The following HMGCS1 variants were observed in gnomAD, a reference collection of about 807,000 sequenced individuals.
The protein encoded by HMGCS1 is 3-hydroxy-3-methylglutaryl-CoA synthase 1.
Under a neutral mutation model 52.3 loss-of-function variants are expected in HMGCS1, and 9 were observed. The ratio of observed to expected loss-of-function variants is 0.17; its 90% CI spans 0.10 to 0.30. The LOEUF (loss-of-function observed/expected upper bound fraction) is 0.30. HMGCS1 is among the 10% of genes least tolerant of loss of function. HMGCS1 has a pLI of 1.00. For missense variants in HMGCS1, 320 were observed against 620.9 expected (o/e 0.52, Z 5.15); for synonymous variants, 176 against 214.4 (o/e 0.82, Z 1.57).
chr5:43,295,638 T>C, intron 6 of HMGCS1, 114 bp downstream of exon 6: 1 of 738,394 alleles, frequency 1.4e-6, no homozygotes. Flanking sequence ...TTAGACTGGA[T>C]GACTTCTAAG....
intron 1 of HMGCS1, chr5:43,313,065 T>A (rs914623259): frequency 6.6e-6 from 1 of 152,646 alleles, no homozygotes; most frequent in African/African-American, 2.4e-5. Flanking sequence ...CCAACTCCTC[T>A]GTCGTTAGAA....
chr5:43,302,296 C>T (rs1007105347), intron 2 of HMGCS1, among the ~76,000 whole-genome samples: 8 of 152,212 alleles, frequency 5.3e-5, no homozygotes, highest in African/African-American at 1.9e-4. Flanking sequence ...TACTTACCTA[C>T]ATAACCCTCC....
intron 1 of HMGCS1, among the ~76,000 whole-genome samples, chr5:43,311,268 C>T (rs1024207163): frequency 6.7e-6 from 1 of 148,736 alleles, no homozygotes; most frequent in Non-Finnish European, 1.5e-5. Context: ...TGCAGTGAGC[C>T]GAGATCACGC....
In HMGCS1 at chr5:43,297,194, A is replaced by G. The variant is rs751158294; in HGVS notation, c.575-28T>C. The G allele has an allele frequency of 3.2e-6, 5 of 1,585,662 alleles. No individual in the cohort carries two copies. The East Asian group carries it at 6.7e-5, about 21-fold the overall frequency. Reference sequence around the variant, plus strand: ...ATTAGAACCAAAAAGGAAGATGTCTATATATTTCTGCTTCTTGATGTCTGT... The same window carrying G: ...ATTAGAACCAAAAAGGAAGATGTCTGTATATTTCTGCTTCTTGATGTCTGT... On this transcript the variant is annotated intron_variant, in intron 4 of 10. Coordinates refer to ENST00000325110, the MANE Select transcript of HMGCS1 (RefSeq NM_001098272.3).
At chr5:43,308,397 T>G (rs1182792032) in intron 1 of HMGCS1, among the ~76,000 whole-genome samples, 1 of 152,228 alleles carries the variant, frequency 6.6e-6, no homozygotes, top group Admixed American at 6.5e-5. Context: ...ACCAATACAC[T>G]GACTATTACC....
rs1753664793 is a variant in HMGCS1, at chr5:43,289,928, A to T, written c.*1203T>A. 6.6e-6 allele frequency: 1 copy of T among 152,602 alleles called. No homozygotes were observed. The highest frequency in any genetic ancestry group is 2.4e-5 in the African/African-American group (1 of 41,438). 9.5% of individuals were successfully genotyped at this position (152,602 alleles called of 1,614,324 possible). Reference sequence around the variant, plus strand: ...CATGTCATAGTTCAGCACCAAAAAGATCTACACAAAACTGTTTAACCAATC... The same window carrying T: ...CATGTCATAGTTCAGCACCAAAAAGTTCTACACAAAACTGTTTAACCAATC... On this transcript the variant is annotated 3_prime_UTR_variant, in exon 11 of 11. Coordinates refer to ENST00000325110, the MANE Select transcript of HMGCS1 (RefSeq NM_001098272.3).
intron 2 of HMGCS1, among the ~76,000 whole-genome samples, chr5:43,304,954 G>T (rs1754491565): frequency 6.6e-6 from 1 of 151,860 alleles, no homozygotes; most frequent in African/African-American, 2.4e-5. Flanking sequence ...ATGACATTTA[G>T]AAGAACAGAA....
At chr5:43,292,344 A>T (rs1213640234) in intron 10 of HMGCS1, 130 bp downstream of exon 10, 2 of 679,156 alleles carry the variant, frequency 2.9e-6, no homozygotes, top group Non-Finnish European at 4.9e-6. Flanking sequence ...ACTTTATACA[A>T]TTGGAAATAG....
intron 6 of HMGCS1, 145 bp from the exon 7 acceptor site, chr5:43,295,006 C>T: frequency 1.9e-6 from 1 of 516,208 alleles, no homozygotes. Flanking sequence ...AATCTAATTG[C>T]TATAGAAATC....
intron 2 of HMGCS1, among the ~76,000 whole-genome samples, chr5:43,306,078 A>G (rs2111725081): frequency 6.6e-6 from 1 of 152,328 alleles, no homozygotes; most frequent in Non-Finnish European, 1.5e-5. Flanking sequence ...AAGTCTTCCA[A>G]CAAAGTAGTA....
rs573936595 is a variant in HMGCS1 at position 43,311,542 on chromosome 5, C to A, written c.-70+1814G>T. Among the ~76,000 whole-genome samples the A allele has an allele frequency of 2.0e-5, 3 of 152,266 alleles. No homozygotes were observed. In the South Asian group the frequency reaches 6.2e-4, roughly 32 times the overall value. ...TATGTAGCAAAACAAACTTCTCCAGCTACATCTCATATCCAATTCCACTGG... is the reference window on the plus strand; with the variant it reads ...TATGTAGCAAAACAAACTTCTCCAGATACATCTCATATCCAATTCCACTGG... On this transcript the variant is annotated intron_variant, in intron 1 of 10. Transcript: ENST00000325110.
chr5:43,294,881 G>A lies in HMGCS1; in HGVS notation c.906-20C>T. 1 of 1,530,990 alleles carries A rather than the reference G, an allele frequency of 6.5e-7. No homozygotes were observed. The highest frequency in any genetic ancestry group is 1.2e-5 in the South Asian group (1 of 86,610). 94.8% of individuals were successfully genotyped at this position (1,530,990 alleles called of 1,614,324 possible). A position where few individuals can be genotyped will look rare whatever the true frequency, so the allele number is the denominator to read the frequency against. On this transcript the variant is annotated intron_variant, in intron 6 of 10. Transcript: ENST00000325110. ...ACATCCCTGAAAGATTTATTTTACA[G>A]TTTTACAGTGTTTAAAGCCTATGTT...
rs1445114613 is a variant in HMGCS1, at chr5:43,290,806, A to G, written c.*325T>C. ...ATTAGTACCTCTGCTTTCTTCTGAC[A>G]GAAGTACACAATTCATTATACCATG... On this transcript the variant is annotated 3_prime_UTR_variant, in exon 11 of 11. Transcript: ENST00000325110. The G allele has an allele frequency of 4.8e-6, 1 of 210,124 alleles. No individual in the cohort carries two copies. The highest frequency in any genetic ancestry group is 1.0e-4 in the East Asian group (1 of 9,874). The allele number at this position is 210,124 out of a possible 1,614,324, so 13.0% of individuals were successfully genotyped here. A position where few individuals can be genotyped will look rare whatever the true frequency, so the allele number is the denominator to read the frequency against.
intron 4 of HMGCS1, 93 bp downstream of exon 4, chr5:43,297,916 T>C (rs1017306262): frequency 9.5e-7 from 1 of 1,047,872 alleles, no homozygotes; most frequent in Admixed American, 2.5e-5. Context: ...CTGCATTTAA[T>C]GACCATTAAG....
At chr5:43,292,389 T>G (rs2111630260) in intron 10 of HMGCS1, 85 bp downstream of exon 10, 16 of 733,814 alleles carry the variant, frequency 2.2e-5, no homozygotes, top group African/African-American at 2.9e-5. Context: ...CCCTTACTCT[T>G]CTTTACTGAC....
At chr5:43,310,362 G>A (rs889302793) in intron 1 of HMGCS1, among the ~76,000 whole-genome samples, 5 of 152,186 alleles carry the variant, frequency 3.3e-5, no homozygotes, top group Non-Finnish European at 5.9e-5. Flanking sequence ...ACAGAGGTAG[G>A]TCATTCATAC....
chr5:43,298,644 A>G lies in HMGCS1; in HGVS notation c.322T>C (p.Leu108=). The G allele has an allele frequency of 1.2e-6, 2 of 1,614,200 alleles. No homozygotes were observed. ...IDKSKSVKTN[L]MQLFEESGNT... ...CCAGACTCTTCAAACAGCTGCATCA[A>G]ATTAGTCTTCACAGACTTTGATTTG... is the stretch of plus-strand genomic sequence containing the variant. Residue 108 remains leucine, a synonymous_variant, in exon 3 of 11, where the codon TTG becomes CTG. Transcript: ENST00000325110. The surrounding 1 kb of genome is among the most constrained non-coding windows in gnomAD (Gnocchi z 5.6).
chr5:43,293,763 G>T (rs1753897054), intron 8 of HMGCS1: 4 of 215,480 alleles, frequency 1.9e-5, no homozygotes, highest in Middle Eastern at 3.2e-3. Context: ...ACCCAGGCTG[G>T]AGCACAGTGG....
intron 8 of HMGCS1, 52 bp downstream of exon 8, chr5:43,294,004 T>G (rs1753909387): frequency 9.1e-6 from 11 of 1,212,450 alleles, no homozygotes; most frequent in Non-Finnish European, 1.3e-5. Context: ...TGTGAGCCAC[T>G]GTGCCTGGAC....
Sources: allele counts gnomAD v4.1 joint callset (sites outside exome capture counted in the v4.1 genomes callset), GRCh38; gene constraint gnomAD v4.1.1; non-coding constraint Gnocchi (gnomAD v3.1); transcripts MANE v1.5; gene names NCBI Gene and HGNC (gene_info 2026-07-23, HGNC 2026-07-21).